Variants in LYST observed in about 807,000 individuals in gnomAD.
The protein encoded by LYST is lysosomal-trafficking regulator.
LYST carries 192 observed loss-of-function variants against 413.6 expected under a neutral mutation model. That is an observed-to-expected ratio of 0.46 (90% CI 0.41 to 0.52). The LOEUF is 0.52. Among genes scored for constraint, LYST ranks in the 20% least tolerant of loss-of-function variants. The pLI is 0.00. For synonymous variants in LYST, 1,525 were observed against 1,567.3 expected, an observed-to-expected ratio of 0.97 and a Z score of 0.64; for missense variants, 3,815 against 4,499.9, an observed-to-expected ratio of 0.85 and a Z score of 4.35.
intron 1 of LYST, among the ~76,000 whole-genome samples, chr1:235,835,414 C>T (rs1325071746): frequency 6.6e-6 from 1 of 152,116 alleles, no homozygotes; most frequent in Non-Finnish European, 1.5e-5. Flanking sequence ...GCTAACTCAG[C>T]GTGGCCGTAA....
At chr1:235,730,587 G>A (rs868059482) in intron 36 of LYST, among the ~76,000 whole-genome samples, 7 of 110,898 alleles carry the variant, frequency 6.3e-5, no homozygotes, top group African/African-American at 2.9e-4. Flanking sequence ...GTGTGTGTGT[G>A]TGTGTGTGTG....
At chr1:235,683,728 C>T (rs1394362465) in intron 48 of LYST, among the ~76,000 whole-genome samples, 1 of 152,176 alleles carries the variant, frequency 6.6e-6, no homozygotes, top group African/African-American at 2.4e-5. Flanking sequence ...CAAAGGAGAA[C>T]ATGAACACTT....
At position 235,784,838 on chromosome 1, in the gene LYST, T is replaced by C. The variant is rs368594555; in HGVS notation, c.4862+2362A>G. On this transcript the variant is annotated intron_variant, in intron 14 of 52. Transcript: ENST00000389793. ...AGGTTCTGGAAACAAATTTGCTGAT[T>C]GGCTACAGCTGCCATGGCAGCTATG... 2.6e-3 allele frequency among the ~76,000 whole-genome samples: 402 copies of C among 152,300 alleles called. 2 individuals carry two copies. The highest frequency in any genetic ancestry group is 9.1e-3 in the African/African-American group (379 of 41,560).
In LYST at chr1:235,697,400, A is replaced by G. The variant is rs13374768; in HGVS notation, c.10375-128T>C. 5,236 of 679,292 alleles carry G rather than the reference A, an allele frequency of 7.7e-3. 190 individuals are homozygous for G. The African/African-American group carries it at 0.082, about 11-fold the overall frequency. The allele number at this position is 679,292 out of a possible 1,614,324, so 42.1% of individuals were successfully genotyped here. A position where few individuals can be genotyped will look rare whatever the true frequency, so the allele number is the denominator to read the frequency against. ...TATAAGCTCTGTAAGGGCAATAATT[A>G]TTTTACGCATTTTTTTTTACTTCCC... On this transcript the variant is annotated intron_variant, in intron 45 of 52. Transcript: ENST00000389793.
chr1:235,712,402 T>C (rs1662468747), intron 42 of LYST: 2 of 473,282 alleles, frequency 4.2e-6, no homozygotes, highest in South Asian at 6.2e-5. Context: ...ATCTGTATTA[T>C]GCTTTTGTAA....
At chr1:235,839,720 T>C (rs983282426) in intron 1 of LYST, 8 of 151,278 alleles carry the variant, frequency 5.3e-5, no homozygotes, top group African/African-American at 1.7e-4. Context: ...GCAGGAGAAT[T>C]GCTTGAACCT....
At chr1:235,714,384 G>T (rs1662661020) in intron 42 of LYST, among the ~76,000 whole-genome samples, 1 of 152,166 alleles carries the variant, frequency 6.6e-6, no homozygotes, top group African/African-American at 2.4e-5. Flanking sequence ...TATTTGAACA[G>T]CTGTCATATA....
chr1:235,805,855 T>G lies in LYST; in HGVS notation c.3281A>C (p.Gln1094Pro). 6.2e-7 allele frequency: 1 copy of G among 1,613,796 alleles called. No homozygotes were observed. Among genetic ancestry groups the G allele is most frequent in the Non-Finnish European group, 8.5e-7 (1 of 1,179,868 alleles). Residue 1094 changes from glutamine to proline, a missense_variant, in exon 6 of 53, where the codon CAA becomes CCA. By Grantham distance (76) the Gln-to-Pro change is moderately conservative. This residue lies in a region of LYST where 1,648 missense variants were observed against 1,810.3 expected (regional missense o/e 0.91). Transcript: ENST00000389793. ...APEEAKLFTSQESETSLQSIR... is the reference protein window; with the variant it reads ...APEEAKLFTSPESETSLQSIR... Reference sequence around the variant, plus strand: ...ACTTTGAAGTGAGGTCTCACTTTCTTGACTTGTAAATAGCTTTGCTTCCTC... The same window carrying G: ...ACTTTGAAGTGAGGTCTCACTTTCTGGACTTGTAAATAGCTTTGCTTCCTC...
intron 4 of LYST, among the ~76,000 whole-genome samples, chr1:235,812,226 G>A (rs549161168): frequency 6.6e-6 from 1 of 152,158 alleles, no homozygotes; most frequent in South Asian, 2.1e-4. Context: ...CCTTTAGGCT[G>A]GGCACGGTGG....
chr1:235,688,151 T>G (rs1660362266), intron 47 of LYST, among the ~76,000 whole-genome samples: 1 of 152,222 alleles, frequency 6.6e-6, no homozygotes, highest in South Asian at 2.1e-4. Context: ...TTTTAAAAAA[T>G]ACACAGAATA....
At chr1:235,673,553 G>A (rs1247386429) in intron 50 of LYST, among the ~76,000 whole-genome samples, 1 of 152,004 alleles carries the variant, frequency 6.6e-6, no homozygotes, top group Non-Finnish European at 1.5e-5. Flanking sequence ...TTCACCGAAG[G>A]AGTCACCGCC....
At chr1:235,703,059 C>A in intron 44 of LYST, 82 bp from the exon 45 acceptor site, 1 of 1,021,240 alleles carries the variant, frequency 9.8e-7, no homozygotes, top group Non-Finnish European at 1.5e-6. Flanking sequence ...AAAAACAACA[C>A]TTTGTTTTAT....
At chr1:235,708,739 G>T (rs554917087) in intron 44 of LYST, among the ~76,000 whole-genome samples, 6 of 152,280 alleles carry the variant, frequency 3.9e-5, no homozygotes, top group African/African-American at 1.4e-4. Context: ...ACCAGGGGTA[G>T]ATTCTTGGAT....
At chr1:235,766,341 T>C (rs912320508) in intron 20 of LYST, 64 bp from the exon 21 acceptor site, 11 of 1,210,508 alleles carry the variant, frequency 9.1e-6, no homozygotes, top group Non-Finnish European at 1.2e-5. Flanking sequence ...AGATTTTTCA[T>C]TTAGGCAAAA....
At chr1:235,795,630 A>G (rs1472722810) in intron 10 of LYST, among the ~76,000 whole-genome samples, 1 of 152,190 alleles carries the variant, frequency 6.6e-6, no homozygotes, top group Non-Finnish European at 1.5e-5. Flanking sequence ...GGAAGCCCCT[A>G]ATCATCCAAT....
Position 235,693,309 on chromosome 1 carries a change from C to T in LYST, c.10701+41G>A, listed in dbSNP as rs112232674. ...CAGCTTGGGCGGCAGAGTGAGACTC[C>T]GTCTTAAAAATAAATAAATAAAATA... is the stretch of plus-strand genomic sequence containing the variant. On this transcript the variant is annotated intron_variant, in intron 47 of 52. Transcript: ENST00000389793. The T allele has an allele frequency of 8.6e-4, 1,249 of 1,455,780 alleles. 9 individuals carry two copies. The African/African-American group carries it at 0.015, about 18-fold the overall frequency. 90.2% of individuals were successfully genotyped at this position (1,455,780 alleles called of 1,614,324 possible).
intron 1 of LYST, among the ~76,000 whole-genome samples, chr1:235,846,198 C>T (rs1677842334): frequency 6.6e-6 from 1 of 152,164 alleles, no homozygotes. Flanking sequence ...CATCACAGGA[C>T]TCTGTGTAGA....
chr1:235,797,735 A>C (rs189542268), intron 10 of LYST, among the ~76,000 whole-genome samples: 2 of 152,300 alleles, frequency 1.3e-5, no homozygotes, highest in African/African-American at 4.8e-5. Flanking sequence ...CTTAGATATG[A>C]CACCAAAGGT....
chr1:235,869,334 C>T (rs1572506719), upstream of LYST, among the ~76,000 whole-genome samples: 2 of 151,992 alleles, frequency 1.3e-5, no homozygotes, highest in African/African-American at 4.8e-5. Context: ...TAGCCGGGCG[C>T]GGTGGCGGAC....
Sources: gnomAD v4.1 joint callset for allele counts (sites outside exome capture counted in the v4.1 genomes callset) on GRCh38, gnomAD v4.1.1 for gene constraint, gnomAD v4.1.1 regional missense constraint, MANE v1.5 for transcripts, NCBI Gene and HGNC (gene_info 2026-07-23, HGNC 2026-07-21) for gene names.